The following CATSPERE variants were observed in gnomAD, a reference collection of about 807,000 sequenced individuals.
CATSPERE encodes the protein catsper channel auxiliary subunit epsilon, also known as cation channel sperm-associated auxiliary subunit epsilon.
A neutral mutation model predicts 114.1 loss-of-function variants in CATSPERE; 93 were observed. That is an observed-to-expected ratio of 0.81 (90% CI 0.69 to 0.97). The LOEUF (loss-of-function observed/expected upper bound fraction) is 0.97, where lower values mean the gene tolerates loss of function less well. CATSPERE is among the 50% of genes least tolerant of loss of function. The pLI is 0.00. For synonymous variants in CATSPERE, 341 were observed against 384.1 expected, an observed-to-expected ratio of 0.89 and a Z score of 1.31; for missense variants, 1,058 against 1,131.6, an observed-to-expected ratio of 0.93 and a Z score of 0.93.
chr1:244,621,095 A>C (rs1420029333), intron 20 of CATSPERE, among the ~76,000 whole-genome samples: 3 of 69,510 alleles, frequency 4.3e-5, no homozygotes, highest in African/African-American at 1.7e-4. Context: ...ATATATATAA[A>C]ATATATATAA....
chr1:244,451,603 C>G, upstream of CATSPERE: 1 of 1,580,742 alleles, frequency 6.3e-7, no homozygotes, highest in Non-Finnish European at 8.6e-7. The surrounding 1 kb of genome is among the most constrained non-coding windows in gnomAD (Gnocchi z 6.6). Context: ...GCTCCCGGGC[C>G]CGGCTTCCCA....
intron 5 of CATSPERE, among the ~76,000 whole-genome samples, chr1:244,489,795 A>G (rs1671677709): frequency 6.6e-6 from 1 of 152,046 alleles, no homozygotes; most frequent in Non-Finnish European, 1.5e-5. Context: ...AGTTGCTTTA[A>G]GATTAGCCTT....
At position 244,573,393 on chromosome 1, in the gene CATSPERE, A is replaced by T. The variant is rs1008953196; in HGVS notation, c.1950+621A>T. Among the ~76,000 whole-genome samples the T allele has an allele frequency of 2.7e-5, 4 of 148,858 alleles. No individual in the cohort carries two copies. The highest frequency in any genetic ancestry group is 6.0e-5 in the Non-Finnish European group (4 of 66,936). On this transcript the variant is annotated intron_variant, in intron 11 of 21. Transcript: ENST00000366534. This position sits in a 1 kb window ranked among gnomAD's most constrained non-coding sequence, Gnocchi z 4.0. The stretch of plus-strand genomic sequence containing the variant: ...ACCACTGCACTCCAGCCTGGGTGAC[A>T]GAGTGAGACTCCCTCTCAAAAAACA...
At chr1:244,526,316 G>C (rs975496514) in intron 8 of CATSPERE, among the ~76,000 whole-genome samples, 2 of 151,972 alleles carry the variant, frequency 1.3e-5, no homozygotes, top group African/African-American at 4.8e-5. Flanking sequence ...GGCTGAGGTA[G>C]GAAGAATGCC....
rs1011056010 is a variant in CATSPERE, at chr1:244,533,799, C to T, written c.536+15101C>T. On this transcript the variant is annotated intron_variant, in intron 8 of 21. Coordinates refer to ENST00000366534, the MANE Select transcript of CATSPERE (RefSeq NM_001130957.2). ...CTACTTAACATGTGAGTAATTTACA[C>T]AGCAATTACAGTGTTTAATATCCTA... is the stretch of plus-strand genomic sequence containing the variant. Among the ~76,000 whole-genome samples the T allele has an allele frequency of 1.3e-4, 20 of 152,254 alleles. No individual in the cohort carries two copies. The Middle Eastern group carries it at 0.01, about 78-fold the overall frequency.
intron 6 of CATSPERE, among the ~76,000 whole-genome samples, chr1:244,492,431 G>T (rs1238109331): frequency 3.3e-5 from 5 of 150,356 alleles, no homozygotes; most frequent in African/African-American, 1.2e-4. Flanking sequence ...ATTAGGTATT[G>T]ATGGGACATA....
At chr1:244,556,707 G>A (rs1374780754) in intron 9 of CATSPERE, among the ~76,000 whole-genome samples, 1 of 152,086 alleles carries the variant, frequency 6.6e-6, no homozygotes. Context: ...TCCATTTTGA[G>A]TTAATTTTAA....
Position 244,552,514 on chromosome 1 carries a change from G to T in CATSPERE, c.729G>T (p.Trp243Cys), listed in dbSNP as rs1297026144. ...GTGGTAGTCAATTAATGGCTTCCTG[G>T]GATGCTTGTGTAGTTGCATCTGCTG... is the stretch of plus-strand genomic sequence containing the variant. ...SPRGSQLMAS[W>C]DACVVASAVL... is the part of the protein sequence containing the mutation. The change falls in exon 9 of 22, where the codon TGG (tryptophan) becomes TGT (cysteine). Residue 243 changes from tryptophan (W) to cysteine (C), a missense_variant. This residue lies in a region of CATSPERE where 787 missense variants were observed against 905.6 expected (regional missense o/e 0.87). Coordinates refer to ENST00000366534, the MANE Select transcript of CATSPERE (RefSeq NM_001130957.2). The T allele has an allele frequency of 1.2e-6, 2 of 1,614,074 alleles. No homozygotes were observed. Among genetic ancestry groups the T allele is most frequent in the Non-Finnish European group, 1.7e-6 (2 of 1,180,024 alleles).
rs189306392 is a variant in CATSPERE, at chr1:244,573,382, G to T, written c.1950+610G>T. On this transcript the variant is annotated intron_variant, in intron 11 of 21. Coordinates refer to ENST00000366534, the MANE Select transcript of CATSPERE (RefSeq NM_001130957.2). This position sits in a 1 kb window ranked among gnomAD's most constrained non-coding sequence, Gnocchi z 4.0. Reference sequence around the variant, plus strand: ...GCCGAGATCACACCACTGCACTCCAGCCTGGGTGACAGAGTGAGACTCCCT... The same window carrying T: ...GCCGAGATCACACCACTGCACTCCATCCTGGGTGACAGAGTGAGACTCCCT... 7.2e-3 allele frequency among the ~76,000 whole-genome samples: 1,089 copies of T among 151,990 alleles called. 18 individuals carry two copies. The highest frequency in any genetic ancestry group is 0.025 in the African/African-American group (1,016 of 41,456).
chr1:244,518,789 T>A, intron 8 of CATSPERE, 91 bp downstream of exon 8: 3 of 653,194 alleles, frequency 4.6e-6, no homozygotes, highest in Non-Finnish European at 7.5e-6. Flanking sequence ...ATGTGTCTTA[T>A]ATGTTATTTT....
intron 8 of CATSPERE, among the ~76,000 whole-genome samples, chr1:244,543,865 G>A (rs1659292927): frequency 6.6e-6 from 1 of 151,920 alleles, no homozygotes; most frequent in Non-Finnish European, 1.5e-5. Context: ...CACAATGGAA[G>A]CAAGAGGTGT....
At chr1:244,550,267 A>G (rs1572700136) in intron 8 of CATSPERE, among the ~76,000 whole-genome samples, 1 of 152,174 alleles carries the variant, frequency 6.6e-6, no homozygotes, top group East Asian at 1.9e-4. Context: ...ATCTTTGTCT[A>G]TTTCTATATA....
intron 17 of CATSPERE, among the ~76,000 whole-genome samples, chr1:244,601,675 C>T (rs1347524055): frequency 6.6e-6 from 1 of 152,032 alleles, no homozygotes; most frequent in Non-Finnish European, 1.5e-5. Context: ...CAGGGAGGGC[C>T]GGGCGCGGTG....
upstream of CATSPERE, chr1:244,451,910 G>T: frequency 1.5e-6 from 2 of 1,315,784 alleles, no homozygotes; most frequent in Non-Finnish European, 2.0e-6. The surrounding 1 kb of genome is among the most constrained non-coding windows in gnomAD (Gnocchi z 6.6). Context: ...ACATGCAGAG[G>T]AAGAAGGAGC....
intron 6 of CATSPERE, 102 bp downstream of exon 6, chr1:244,490,573 T>G (rs1436515218): frequency 2.6e-6 from 2 of 773,484 alleles, no homozygotes; most frequent in Non-Finnish European, 4.3e-6. Context: ...TCAAATGAAT[T>G]TTGCAATGAT....
intron 6 of CATSPERE, among the ~76,000 whole-genome samples, chr1:244,493,080 A>C (rs1672495562): frequency 6.6e-6 from 1 of 151,310 alleles, no homozygotes; most frequent in Non-Finnish European, 1.5e-5. Flanking sequence ...TTCTTCACAG[A>C]ATTGGAAAAA....
chr1:244,480,628 G>A (rs1372896644), intron 5 of CATSPERE, among the ~76,000 whole-genome samples: 2 of 55,544 alleles, frequency 3.6e-5, no homozygotes, highest in African/African-American at 1.1e-4. Context: ...CTTCAGTAAA[G>A]CATGGTTGTT....
chr1:244,599,410 C>A (rs2148662919), intron 17 of CATSPERE, among the ~76,000 whole-genome samples: 1 of 152,284 alleles, frequency 6.6e-6, no homozygotes. Flanking sequence ...TTGGAATCTC[C>A]CTGACTCCTC....
chr1:244,566,562 C>G (rs1663533955), intron 10 of CATSPERE, among the ~76,000 whole-genome samples: 1 of 149,450 alleles, frequency 6.7e-6, no homozygotes. Context: ...TGCATTGATT[C>G]CTTTACCATT....
Sources: allele counts gnomAD v4.1 joint callset (sites outside exome capture counted in the v4.1 genomes callset), GRCh38; gene constraint gnomAD v4.1.1; regional missense constraint gnomAD v4.1.1; non-coding constraint Gnocchi (gnomAD v3.1); transcripts MANE v1.5; gene names NCBI Gene and HGNC (gene_info 2026-07-23, HGNC 2026-07-21).